MLLT10: variants seen among roughly 807,000 people sequenced by gnomAD.
MLLT10 encodes the protein MLLT10 histone lysine methyltransferase DOT1L cofactor, also known as protein AF-10.
A neutral mutation model predicts 129.1 loss-of-function variants in MLLT10; 30 were observed. The ratio of observed to expected loss-of-function variants is 0.23; its 90% CI spans 0.17 to 0.32. MLLT10 has a LOEUF of 0.32. MLLT10 is among the 10% of genes least tolerant of loss of function. The pLI is 1.00. For synonymous variants in MLLT10, 490 were observed against 446.4 expected (o/e 1.10, Z -1.23); for missense variants, 1,119 against 1,268.3 (o/e 0.88, Z 1.79).
chr10:21,608,284 C>T (rs531582249), intron 5 of MLLT10, among the ~76,000 whole-genome samples: 1 of 151,786 alleles, frequency 6.6e-6, no homozygotes, highest in Non-Finnish European at 1.5e-5. Flanking sequence ...ATCCTCTCAC[C>T]TCAGCTTCCT....
chr10:21,663,693 T>A (rs984186780), intron 9 of MLLT10, among the ~76,000 whole-genome samples: 2 of 152,208 alleles, frequency 1.3e-5, no homozygotes, highest in African/African-American at 4.8e-5. Context: ...GCCTCCCGAA[T>A]AGCTGGGACT....
chr10:21,689,567 A>ATATATATATATATATGTATG (rs2053629871), intron 13 of MLLT10, among the ~76,000 whole-genome samples: 5 of 60,314 alleles, frequency 8.3e-5, no homozygotes, highest in African/African-American at 2.3e-4. Context: ...ATATATATGT[A>ATATATATATATATATGTATG]TATATATATA....
intron 9 of MLLT10, among the ~76,000 whole-genome samples, chr10:21,665,312 G>T (rs563388901): frequency 5.4e-5 from 7 of 130,588 alleles, no homozygotes; most frequent in African/African-American, 8.8e-5. Flanking sequence ...GGGGGGGGGG[G>T]GGTTTCACTC....
intron 5 of MLLT10, among the ~76,000 whole-genome samples, chr10:21,597,017 C>CTT (rs891184490): frequency 6.9e-6 from 1 of 145,160 alleles, no homozygotes; most frequent in Non-Finnish European, 1.5e-5. Flanking sequence ...TATTAATGCA[C>CTT]TTTTTTTTTT....
intron 22 of MLLT10, 57 bp downstream of exon 22, chr10:21,740,293 A>G: frequency 6.5e-7 from 1 of 1,549,014 alleles, no homozygotes; most frequent in South Asian, 1.2e-5. Flanking sequence ...GATTAATCGG[A>G]GATGATCATT....
In MLLT10 at chr10:21,740,044, C is replaced by G. The variant is rs1278838474; in HGVS notation, c.2970C>G (p.Ala990=). 6.2e-7 allele frequency: 1 copy of G among 1,608,604 alleles called. No individual in the cohort carries two copies. The highest frequency in any genetic ancestry group is 8.5e-7 in the Non-Finnish European group (1 of 1,177,106). The change falls in exon 22 of 23, where the codon GCC becomes GCG. Residue 990 remains alanine (A), a synonymous_variant. Coordinates refer to ENST00000307729, the MANE Select transcript of MLLT10 (RefSeq NM_001195626.3). ...TTTTGCCTAAGGAACAACATCAAGCCTTTTTGTATCAGTTAATGCAACATC... is the reference window on the plus strand; with the variant it reads ...TTTTGCCTAAGGAACAACATCAAGCGTTTTTGTATCAGTTAATGCAACATC... The part of the protein sequence containing the change: ...SQQLTPEQHQ[A]FLYQLMQHHH...
chr10:21,733,519 C>T lies in MLLT10; in HGVS notation c.2423C>T (p.Ser808Phe). 1 of 1,554,190 alleles carries T rather than the reference C, an allele frequency of 6.4e-7. No individual in the cohort carries two copies. Among genetic ancestry groups the T allele is most frequent in the African/African-American group, 1.4e-5 (1 of 72,322 alleles). Reference protein sequence around the residue: ...FSAQTAPTTDSLNSSKSPHIG... With the variant: ...FSAQTAPTTDFLNSSKSPHIG... ...ATTATTCTAGCTCCTACTACTGATT[C>T]CTTGAACAGCAGTAAGAGCCCTCAT... The change falls in exon 19 of 23, where the codon TCC becomes TTC. Residue 808 changes from serine (S) to phenylalanine (F), a missense_variant. By Grantham distance (155) the Ser-to-Phe change is radical. Coordinates refer to ENST00000307729, the MANE Select transcript of MLLT10 (RefSeq NM_001195626.3).
At chr10:21,613,408 A>G (rs561231108) in intron 6 of MLLT10, among the ~76,000 whole-genome samples, 1 of 152,264 alleles carries the variant, frequency 6.6e-6, no homozygotes, top group East Asian at 1.9e-4. Flanking sequence ...GTTATATGAA[A>G]TCTGTTTTAT....
chr10:21,587,654 A>T (rs1589103648), intron 4 of MLLT10, among the ~76,000 whole-genome samples: 1 of 151,910 alleles, frequency 6.6e-6, no homozygotes, highest in African/African-American at 2.4e-5. Flanking sequence ...TTACTACTAT[A>T]CTCTTCTCCA....
intron 3 of MLLT10, among the ~76,000 whole-genome samples, chr10:21,541,729 G>C (rs1464985151): frequency 2.0e-5 from 3 of 152,080 alleles, no homozygotes; most frequent in Non-Finnish European, 4.4e-5. Context: ...GACCAGCCTC[G>C]TCTGGAATTC....
intron 13 of MLLT10, among the ~76,000 whole-genome samples, chr10:21,692,307 T>C (rs952360126): frequency 2.3e-4 from 35 of 151,868 alleles, no homozygotes; most frequent in Non-Finnish European, 3.2e-4. Context: ...ATTGACAAAA[T>C]TATCACAATG....
At chr10:21,556,997 C>T in intron 3 of MLLT10, 4 of 1,486,124 alleles carry the variant, frequency 2.7e-6, no homozygotes, top group Non-Finnish European at 3.6e-6. Flanking sequence ...ATATTTCTTA[C>T]AGGGTTTTGT....
At chr10:21,730,817 G>C (rs536242764) in intron 16 of MLLT10, 83 bp from the exon 17 acceptor site, 1 of 1,484,792 alleles carries the variant, frequency 6.7e-7, no homozygotes, top group African/African-American at 1.4e-5. Flanking sequence ...TCATACAGGA[G>C]AAAAGGGGTC....
intron 13 of MLLT10, among the ~76,000 whole-genome samples, chr10:21,694,271 A>G (rs2054155073): frequency 3.3e-5 from 5 of 152,190 alleles, no homozygotes. Flanking sequence ...AATGCCATTC[A>G]AGTTTTGGCA....
At chr10:21,717,545 T>TCC (rs1426965864) in intron 14 of MLLT10, among the ~76,000 whole-genome samples, 16 of 64,054 alleles carry the variant, frequency 2.5e-4, no homozygotes, top group African/African-American at 6.5e-4. Context: ...CCTCCTCCCT[T>TCC]CTTCTTTCTT....
chr10:21,557,388 C>A (rs113966224), intron 3 of MLLT10, among the ~76,000 whole-genome samples: 5 of 152,168 alleles, frequency 3.3e-5, no homozygotes, highest in Admixed American at 6.6e-5. Flanking sequence ...AAAATTATCT[C>A]CCTTGCGTAT....
At chr10:21,686,343 C>T (rs992419183) in intron 13 of MLLT10, among the ~76,000 whole-genome samples, 2 of 152,180 alleles carry the variant, frequency 1.3e-5, no homozygotes, top group East Asian at 1.9e-4. Flanking sequence ...GAGACTTTTA[C>T]GTAATATATC....
chr10:21,602,908 AT>A (rs1269748871), intron 5 of MLLT10, among the ~76,000 whole-genome samples: 5 of 140,766 alleles, frequency 3.6e-5, no homozygotes, highest in Non-Finnish European at 1.6e-5. Flanking sequence ...TTTTTTTTGT[AT>A]TTTTAGTAGA....
At chr10:21,542,116 G>C (rs1442404827) in intron 3 of MLLT10, among the ~76,000 whole-genome samples, 1 of 152,130 alleles carries the variant, frequency 6.6e-6, no homozygotes, top group Non-Finnish European at 1.5e-5. Flanking sequence ...GGAAAAGATA[G>C]GAAAATAAGG....
Sources: allele counts gnomAD v4.1 joint callset (sites outside exome capture counted in the v4.1 genomes callset), GRCh38; gene constraint gnomAD v4.1.1; transcripts MANE v1.5; gene names NCBI Gene and HGNC (gene_info 2026-07-23, HGNC 2026-07-21).